The following PRICKLE2 variants were observed in gnomAD, a reference collection of about 807,000 sequenced individuals.
PRICKLE2 encodes prickle planar cell polarity protein 2, also known as prickle-like protein 2.
PRICKLE2 carries 21 observed loss-of-function variants against 81.4 expected under a neutral mutation model. The ratio of observed to expected loss-of-function variants is 0.26; its 90% CI spans 0.18 to 0.37. PRICKLE2 has a LOEUF of 0.37. Among genes scored for constraint, PRICKLE2 ranks in the 10% least tolerant of loss-of-function variants. The pLI, the probability that PRICKLE2 is intolerant of heterozygous loss-of-function variation, is 1.00. For synonymous variants in PRICKLE2, 456 were observed against 421.5 expected, an observed-to-expected ratio of 1.08 and a Z score of -1.00; for missense variants, 940 against 1,109.0, an observed-to-expected ratio of 0.85 and a Z score of 2.16.
chr3:64,248,782 A>G (rs547280021), intron 2 of PRICKLE2, among the ~76,000 whole-genome samples: 9 of 152,292 alleles, frequency 5.9e-5, no homozygotes, highest in African/African-American at 2.2e-4. Flanking sequence ...AAGACTCTAT[A>G]GAAACCATGA....
chr3:64,124,212 A>G (rs946692969), intron 7 of PRICKLE2, among the ~76,000 whole-genome samples: 2 of 152,202 alleles, frequency 1.3e-5, no homozygotes, highest in African/African-American at 4.8e-5. Flanking sequence ...CCAGAGCAAG[A>G]CCCTAACTCT....
intron 7 of PRICKLE2, among the ~76,000 whole-genome samples, chr3:64,125,680 TCG>T (rs2077094834): frequency 1.3e-5 from 2 of 152,230 alleles, no homozygotes; most frequent in South Asian, 4.1e-4. Flanking sequence ...CAGAATAGTA[TCG>T]CACACTTAAT....
At chr3:64,191,309 C>T (rs1293325079) in intron 2 of PRICKLE2, among the ~76,000 whole-genome samples, 6 of 152,170 alleles carry the variant, frequency 3.9e-5, no homozygotes. Flanking sequence ...TAGTTAGTCA[C>T]ATACTACTAT....
chr3:64,203,090 C>T (rs771061174), intron 1 of PRICKLE2, among the ~76,000 whole-genome samples: 10 of 152,128 alleles, frequency 6.6e-5, no homozygotes, highest in African/African-American at 1.7e-4. Flanking sequence ...CTTGAAGAAA[C>T]GAAATCAGTT....
At chr3:64,247,700 A>T (rs2107176923) in intron 2 of PRICKLE2, among the ~76,000 whole-genome samples, 1 of 152,352 alleles carries the variant, frequency 6.6e-6, no homozygotes, top group African/African-American at 2.4e-5. Context: ...TGACTATGAC[A>T]TATGAGAAAG....
intron 2 of PRICKLE2, among the ~76,000 whole-genome samples, chr3:64,177,488 T>C (rs2078047225): frequency 6.6e-6 from 1 of 152,116 alleles, no homozygotes; most frequent in African/African-American, 2.4e-5. Context: ...ATTCACAATA[T>C]CATGCAATCA....
intron 4 of PRICKLE2, 90 bp from the exon 5 acceptor site, chr3:64,157,455 G>T: frequency 7.7e-7 from 1 of 1,304,676 alleles, no homozygotes. Context: ...CCATTAGCTG[G>T]CTACTGAGTG....
chr3:64,147,780 T>A lies in PRICKLE2; in HGVS notation c.788-78A>T. On this transcript the variant is annotated intron_variant, in intron 6 of 7. Coordinates refer to ENST00000638394, the MANE Select transcript of PRICKLE2 (RefSeq NM_198859.4). The surrounding 1 kb of genome is among the most constrained non-coding windows in gnomAD (Gnocchi z 5.0). ...CTGGGACGTGAAACACATAGCACCTTGGTTTGTCTCAGGATTCCAGGTGCG... is the reference window on the plus strand; with the variant it reads ...CTGGGACGTGAAACACATAGCACCTAGGTTTGTCTCAGGATTCCAGGTGCG... 6.6e-7 allele frequency: 1 copy of A among 1,525,654 alleles called. No homozygotes were observed. The highest frequency in any genetic ancestry group is 9.1e-7 in the Non-Finnish European group (1 of 1,102,226). 94.5% of individuals were successfully genotyped at this position (1,525,654 alleles called of 1,614,324 possible).
rs1225252247 is a variant in PRICKLE2 at position 64,094,107 on chromosome 3, T to C, written c.*4944A>G. 1 of 152,312 alleles carries C rather than the reference T, an allele frequency of 6.6e-6. No homozygotes were observed. Among genetic ancestry groups the C allele is most frequent in the Non-Finnish European group, 1.5e-5 (1 of 68,006 alleles). The allele number at this position is 152,312 out of a possible 1,614,324, so 9.4% of individuals were successfully genotyped here. On this transcript the variant is annotated 3_prime_UTR_variant, in exon 8 of 8. Coordinates refer to ENST00000638394, the MANE Select transcript of PRICKLE2 (RefSeq NM_198859.4). ...TGAGGTTTTGTTTATGCACTTGAAATGAAAGCAGGAGATGGACAAAGCAAT... is the reference window on the plus strand; with the variant it reads ...TGAGGTTTTGTTTATGCACTTGAAACGAAAGCAGGAGATGGACAAAGCAAT...
chr3:64,254,664 T>C (rs2079498922), intron 2 of PRICKLE2, among the ~76,000 whole-genome samples: 2 of 152,262 alleles, frequency 1.3e-5, no homozygotes. Context: ...CCAGATCAAA[T>C]GTCATCACCT....
intron 1 of PRICKLE2, among the ~76,000 whole-genome samples, chr3:64,209,541 T>A (rs943687636): frequency 6.6e-5 from 10 of 151,168 alleles, no homozygotes; most frequent in Non-Finnish European, 1.5e-4. Context: ...CATCTATCCA[T>A]CCATCCACCC....
intron 4 of PRICKLE2, among the ~76,000 whole-genome samples, chr3:64,159,086 A>C (rs1234253417): frequency 1.3e-5 from 2 of 152,276 alleles, no homozygotes; most frequent in South Asian, 4.1e-4. Flanking sequence ...TGCAGTCTCT[A>C]AAACTCTTCT....
Position 64,147,630 on chromosome 3 carries a change from T to A in PRICKLE2, c.860A>T (p.His287Leu). ...CCGCCCCAGGAGGGATTTCTTGCAG[T>A]GAGCACAGCAGAAACAGGTCTCAGT... is the stretch of plus-strand genomic sequence containing the variant. ...HATETCFCCA[H>L]CKKSLLGRPF... is the part of the protein sequence containing the mutation. Residue 287 changes from histidine (H) to leucine (L), a missense_variant, in exon 7 of 8, where the codon CAC (histidine) becomes CTC (leucine). Around this residue, in one of 2 missense-constraint regions of PRICKLE2, gnomAD observed 270 missense variants for 391.8 expected, o/e 0.69. Transcript: ENST00000638394. The surrounding 1 kb of genome is among the most constrained non-coding windows in gnomAD (Gnocchi z 5.0). 1 of 1,614,084 alleles carries A rather than the reference T, an allele frequency of 6.2e-7. No individual in the cohort carries two copies. Among genetic ancestry groups the A allele is most frequent in the Non-Finnish European group, 8.5e-7 (1 of 1,180,020 alleles).
intron 2 of PRICKLE2, among the ~76,000 whole-genome samples, chr3:64,171,112 T>C (rs1247145194): frequency 1.3e-5 from 2 of 152,158 alleles, no homozygotes; most frequent in Non-Finnish European, 2.9e-5. Context: ...ACACCAGCCA[T>C]TCCCTCGGCC....
chr3:64,198,724 G>C (rs572070341), intron 2 of PRICKLE2, 60 bp downstream of exon 2: 5 of 1,526,064 alleles, frequency 3.3e-6, no homozygotes, highest in East Asian at 2.3e-5. Context: ...GAATGAGGAA[G>C]GACCAGTAAG....
chr3:64,207,510 C>T (rs879484627), intron 1 of PRICKLE2, among the ~76,000 whole-genome samples: 2 of 152,102 alleles, frequency 1.3e-5, no homozygotes, highest in East Asian at 1.9e-4. Context: ...TGGCCGGTAA[C>T]GACAAGACAT....
chr3:64,156,798 C>T (rs530408779), intron 5 of PRICKLE2, among the ~76,000 whole-genome samples: 1 of 152,282 alleles, frequency 6.6e-6, no homozygotes, highest in South Asian at 2.1e-4. Context: ...AGTGGCACTC[C>T]ATTACTGATT....
At chr3:64,165,562 T>A (rs1157053566) in intron 2 of PRICKLE2, among the ~76,000 whole-genome samples, 2 of 152,214 alleles carry the variant, frequency 1.3e-5, no homozygotes, top group Non-Finnish European at 2.9e-5. Context: ...TCACCCAGGC[T>A]GGAGTACAGT....
In PRICKLE2 at chr3:64,159,790, C is replaced by T. The variant is rs555457092; in HGVS notation, c.396+150G>A. 1.4e-5 allele frequency: 14 copies of T among 984,752 alleles called. No individual in the cohort carries two copies. The African/African-American group carries it at 2.1e-4, about 14-fold the overall frequency. 61.0% of individuals were successfully genotyped at this position (984,752 alleles called of 1,614,324 possible). ...GACTTCCTCCCCTAGAATCCAACTC[C>T]TTAGAAGGGCAAGATGAAACTTTCC... On this transcript the variant is annotated intron_variant, in intron 4 of 7. Coordinates refer to ENST00000638394, the MANE Select transcript of PRICKLE2 (RefSeq NM_198859.4).
Sources: gnomAD v4.1 joint callset for allele counts (sites outside exome capture counted in the v4.1 genomes callset) on GRCh38, gnomAD v4.1.1 for gene constraint, gnomAD v4.1.1 regional missense constraint, Gnocchi (gnomAD v3.1) non-coding constraint, MANE v1.5 for transcripts, NCBI Gene and HGNC (gene_info 2026-07-23, HGNC 2026-07-21) for gene names.